The following MBD5 variants were observed in gnomAD, a reference collection of about 807,000 sequenced individuals.
MBD5 encodes the protein methyl-CpG-binding domain protein 5.
MBD5 carries 13 observed loss-of-function variants against 117.3 expected under a neutral mutation model. That is an observed-to-expected ratio of 0.11 (90% CI 0.07 to 0.18). MBD5 has a LOEUF of 0.18. Ranked by LOEUF, MBD5 falls within the 10% of genes least tolerant of loss-of-function variation. MBD5 has a pLI of 1.00. For synonymous variants in MBD5, 727 were observed against 766.4 expected, an observed-to-expected ratio of 0.95 and a Z score of 0.85; for missense variants, 1,879 against 2,093.8, an observed-to-expected ratio of 0.90 and a Z score of 2.00.
Position 148,400,945 on chromosome 2 carries a change from T to A in MBD5, c.-556-57258T>A, listed in dbSNP as rs570496120. ...TAGCACTGCAGAGAAAGCCTTTTGA[T>A]CTACCAATAGAGAACTATCTAAAAG... On this transcript the variant is annotated intron_variant, in intron 4 of 13. Coordinates refer to ENST00000642680, the MANE Select transcript of MBD5 (RefSeq NM_001378120.1). Among the ~76,000 whole-genome samples the A allele has an allele frequency of 3.3e-5, 5 of 152,294 alleles. No homozygotes were observed. In the South Asian group the frequency reaches 8.3e-4, roughly 25 times the overall value.
intron 3 of MBD5, among the ~76,000 whole-genome samples, chr2:148,315,672 C>A (rs1702141455): frequency 6.6e-6 from 1 of 152,156 alleles, no homozygotes; most frequent in Non-Finnish European, 1.5e-5. Flanking sequence ...CTCCATTAAT[C>A]CTCTGATAAA....
At chr2:148,479,589 A>C (rs1331545844) in intron 8 of MBD5, among the ~76,000 whole-genome samples, 2 of 152,214 alleles carry the variant, frequency 1.3e-5, no homozygotes, top group Admixed American at 1.3e-4. Flanking sequence ...TATCTAAGGC[A>C]GCAGGTTCAA....
At chr2:148,497,837 TTACC>T (rs1219110515) in intron 11 of MBD5, among the ~76,000 whole-genome samples, 2 of 152,006 alleles carry the variant, frequency 1.3e-5, no homozygotes. Context: ...TGTCCATGTT[TTACC>T]TAAATAATTT....
intron 3 of MBD5, among the ~76,000 whole-genome samples, chr2:148,248,621 A>T (rs974638295): frequency 1.3e-5 from 2 of 152,132 alleles, no homozygotes; most frequent in Non-Finnish European, 2.9e-5. Flanking sequence ...ATATATTAAA[A>T]ATTATCAGGG....
intron 1 of MBD5, among the ~76,000 whole-genome samples, chr2:148,111,563 T>C (rs1696503799): frequency 1.3e-5 from 2 of 152,158 alleles, no homozygotes; most frequent in Admixed American, 1.3e-4. Context: ...AATGCAAATA[T>C]AGATTATAGA....
intron 4 of MBD5, among the ~76,000 whole-genome samples, chr2:148,404,473 TC>T (rs11324563): frequency 0.25 from 38,702 of 152,074 alleles, 5,431 homozygotes; most frequent in East Asian, 0.41. Context: ...TGCATTTCTC[TC>T]CCAGTGTGTT....
chr2:148,332,533 A>G (rs1030083159), intron 3 of MBD5, among the ~76,000 whole-genome samples: 2 of 151,986 alleles, frequency 1.3e-5, no homozygotes, highest in African/African-American at 2.4e-5. Flanking sequence ...AGATGTCTTT[A>G]TTGTTTACTG....
At chr2:148,080,970 A>G (rs76845856) in intron 1 of MBD5, among the ~76,000 whole-genome samples, 1,934 of 152,298 alleles carry the variant, frequency 0.013, 49 homozygotes, top group African/African-American at 0.044. Flanking sequence ...ATAGGAAGCT[A>G]AGATTAAATA....
chr2:148,284,582 G>T (rs1054111734), intron 3 of MBD5, among the ~76,000 whole-genome samples: 2 of 152,098 alleles, frequency 1.3e-5, no homozygotes, highest in African/African-American at 4.8e-5. Flanking sequence ...AAAAGTGGGG[G>T]CTGGTCCCTA....
chr2:148,470,501 C>G (rs753931083), intron 8 of MBD5, 40 bp downstream of exon 8: 1 of 1,485,080 alleles, frequency 6.7e-7, no homozygotes, highest in African/African-American at 1.4e-5. Flanking sequence ...AGGTACTAAA[C>G]TTTTCTACTT....
chr2:148,246,014 A>T (rs892611600), intron 3 of MBD5, among the ~76,000 whole-genome samples: 12 of 152,196 alleles, frequency 7.9e-5, no homozygotes, highest in Non-Finnish European at 2.9e-5. Context: ...CATAGGATAC[A>T]TGAGGTTTCA....
chr2:148,406,135 A>G (rs912122397), intron 4 of MBD5, among the ~76,000 whole-genome samples: 5 of 152,190 alleles, frequency 3.3e-5, no homozygotes. Context: ...CAGAGGTTGC[A>G]GTAAACCAAG....
intron 3 of MBD5, among the ~76,000 whole-genome samples, chr2:148,292,648 C>T (rs1701525802): frequency 6.6e-6 from 1 of 152,128 alleles, no homozygotes; most frequent in Non-Finnish European, 1.5e-5. Context: ...CCACTATGGA[C>T]AACAGTCTGG....
At chr2:148,327,044 T>A (rs1249034950) in intron 3 of MBD5, among the ~76,000 whole-genome samples, 1 of 152,008 alleles carries the variant, frequency 6.6e-6, no homozygotes, top group Non-Finnish European at 1.5e-5. Flanking sequence ...GGTGACAAAA[T>A]CTCTCAGCAT....
intron 3 of MBD5, among the ~76,000 whole-genome samples, chr2:148,331,232 T>C (rs2105052363): frequency 6.6e-6 from 1 of 152,318 alleles, no homozygotes; most frequent in South Asian, 2.1e-4. Flanking sequence ...TTAAAGTTAA[T>C]TTTATGCTTT....
At chr2:148,502,144 G>A (rs1434971833) in intron 11 of MBD5, among the ~76,000 whole-genome samples, 1 of 152,200 alleles carries the variant, frequency 6.6e-6, no homozygotes, top group African/African-American at 2.4e-5. Flanking sequence ...TGATTTTTAT[G>A]ATTTTGTGAA....
intron 1 of MBD5, among the ~76,000 whole-genome samples, chr2:148,051,588 T>C (rs1027269497): frequency 1.3e-5 from 2 of 148,568 alleles, no homozygotes; most frequent in African/African-American, 5.0e-5. Context: ...GAAATTTCCT[T>C]CTGTTCTGTT....
At chr2:148,052,213 T>TTTTTG (rs1553467276) in intron 1 of MBD5, among the ~76,000 whole-genome samples, 1 of 136,534 alleles carries the variant, frequency 7.3e-6, no homozygotes, top group Non-Finnish European at 1.6e-5. Flanking sequence ...TGAGTTTTTT[T>TTTTTG]TTTTTTTTTT....
chr2:148,514,520 C>A lies in MBD5; in HGVS notation c.*1579C>A, dbSNP rs1682300837. Reference sequence around the variant, plus strand: ...CAGTCCCTGCCCCAAACCCTTAAACCCCTAGAGAGCACTGCCTCGTCCTCT... The same window carrying A: ...CAGTCCCTGCCCCAAACCCTTAAACACCTAGAGAGCACTGCCTCGTCCTCT... On this transcript the variant is annotated 3_prime_UTR_variant, in exon 14 of 14. Coordinates refer to ENST00000642680, the MANE Select transcript of MBD5 (RefSeq NM_001378120.1). 1 of 152,180 alleles carries A rather than the reference C, an allele frequency of 6.6e-6. No individual in the cohort carries two copies. 9.4% of individuals were successfully genotyped at this position (152,180 alleles called of 1,614,324 possible).
Sources: gnomAD v4.1 joint callset for allele counts (sites outside exome capture counted in the v4.1 genomes callset) on GRCh38, gnomAD v4.1.1 for gene constraint, MANE v1.5 for transcripts, NCBI Gene and HGNC (gene_info 2026-07-23, HGNC 2026-07-21) for gene names.